Variants in PCDH7 observed in about 807,000 individuals in gnomAD.
The protein encoded by PCDH7 is protocadherin-7.
PCDH7 carries 17 observed loss-of-function variants against 58.9 expected under a neutral mutation model. The observed-to-expected ratio is 0.29, with a 90% CI of 0.20 to 0.43. The LOEUF is 0.43. PCDH7 is among the 20% of genes least tolerant of loss of function. The pLI is 1.00. For missense variants in PCDH7, 1,274 were observed against 1,441.0 expected, an observed-to-expected ratio of 0.88 and a Z score of 1.88; for synonymous variants, 664 against 616.4, an observed-to-expected ratio of 1.08 and a Z score of -1.14.
intron 3 of PCDH7, among the ~76,000 whole-genome samples, chr4:31,034,180 C>T (rs1415905218): frequency 6.6e-6 from 1 of 152,048 alleles, no homozygotes; most frequent in African/African-American, 2.4e-5. Flanking sequence ...CACAATAGTC[C>T]TCCCTAATAG....
intron 3 of PCDH7, among the ~76,000 whole-genome samples, chr4:30,964,427 G>A (rs1173297710): frequency 6.6e-6 from 1 of 151,880 alleles, no homozygotes; most frequent in East Asian, 1.9e-4. Context: ...ATTTTTAGTA[G>A]AGACGGGGTT....
chr4:30,799,479 C>T (rs1307508913), intron 1 of PCDH7, among the ~76,000 whole-genome samples: 1 of 152,120 alleles, frequency 6.6e-6, no homozygotes, highest in Non-Finnish European at 1.5e-5. Context: ...TATTCACATG[C>T]ATATAATTTT....
intron 1 of PCDH7, among the ~76,000 whole-genome samples, chr4:30,834,194 C>T (rs1316336651): frequency 6.6e-6 from 1 of 152,152 alleles, no homozygotes; most frequent in African/African-American, 2.4e-5. Context: ...AGGGCACTGG[C>T]CTAGAAAGTC....
intron 3 of PCDH7, among the ~76,000 whole-genome samples, chr4:30,953,246 T>C (rs971111550): frequency 5.3e-5 from 8 of 152,144 alleles, no homozygotes; most frequent in African/African-American, 1.9e-4. Flanking sequence ...ATTATCCCAG[T>C]TTTCCCTTTT....
At chr4:30,761,620 C>A (rs1231364275) in intron 1 of PCDH7, among the ~76,000 whole-genome samples, 1 of 152,088 alleles carries the variant, frequency 6.6e-6, no homozygotes, top group African/African-American at 2.4e-5. Flanking sequence ...ACTCAATAAT[C>A]ATATAAAGCT....
intron 3 of PCDH7, among the ~76,000 whole-genome samples, chr4:31,126,091 G>T (rs556976016): frequency 6.7e-6 from 1 of 149,330 alleles, no homozygotes; most frequent in Non-Finnish European, 1.5e-5. Flanking sequence ...TATACAACTA[G>T]TCTATTTCTT....
intron 3 of PCDH7, among the ~76,000 whole-genome samples, chr4:31,079,320 A>G (rs1759283876): frequency 6.3e-5 from 2 of 31,728 alleles, no homozygotes; most frequent in Non-Finnish European, 1.2e-4. Context: ...ATATATATAT[A>G]TATATATATA....
chr4:31,033,222 C>T (rs889111604), intron 3 of PCDH7, among the ~76,000 whole-genome samples: 5 of 152,152 alleles, frequency 3.3e-5, no homozygotes, highest in East Asian at 1.9e-4. Flanking sequence ...GTGGACCTCA[C>T]GGATGGTATC....
At chr4:30,740,354 AC>A in intron 1 of PCDH7, among the ~76,000 whole-genome samples, 1 of 152,274 alleles carries the variant, frequency 6.6e-6, no homozygotes, top group Non-Finnish European at 1.5e-5. Flanking sequence ...AAATAGTTTC[AC>A]CTTAAATCTT....
intron 3 of PCDH7, among the ~76,000 whole-genome samples, chr4:31,028,711 A>G (rs1490260072): frequency 6.6e-6 from 1 of 152,166 alleles, no homozygotes; most frequent in Non-Finnish European, 1.5e-5. Flanking sequence ...GTATTGAGGT[A>G]ACATTTTAAA....
At chr4:30,740,291 T>C (rs1716890636) in intron 1 of PCDH7, among the ~76,000 whole-genome samples, 1 of 152,202 alleles carries the variant, frequency 6.6e-6, no homozygotes, top group African/African-American at 2.4e-5. Flanking sequence ...CTTGCTATTT[T>C]AGTATCTTGT....
At chr4:30,783,045 T>A (rs12641014) in intron 1 of PCDH7, 1 of 152,158 alleles carries the variant, frequency 6.6e-6, no homozygotes, top group Non-Finnish European at 1.5e-5. Context: ...TCATTTATGG[T>A]TTTTGATATA....
chr4:30,740,935 A>G (rs756277733), intron 1 of PCDH7, among the ~76,000 whole-genome samples: 1 of 152,142 alleles, frequency 6.6e-6, no homozygotes, highest in Admixed American at 6.5e-5. Flanking sequence ...GTACATAAGC[A>G]ATACCAAAGC....
intron 3 of PCDH7, among the ~76,000 whole-genome samples, chr4:31,052,981 A>T (rs1401611237): frequency 6.6e-6 from 1 of 151,932 alleles, no homozygotes; most frequent in African/African-American, 2.4e-5. Context: ...ACTGCTATCT[A>T]TTCGTCACGA....
intron 3 of PCDH7, among the ~76,000 whole-genome samples, chr4:30,987,397 G>T (rs982126059): frequency 6.6e-6 from 1 of 151,828 alleles, no homozygotes; most frequent in Non-Finnish European, 1.5e-5. Flanking sequence ...AAGCTTCTAA[G>T]TACAGACGTC....
In PCDH7 at chr4:30,779,200, T is replaced by C. The variant is rs141391285; in HGVS notation, c.70+54604T>C. 4.6e-3 allele frequency among the ~76,000 whole-genome samples: 694 copies of C among 151,916 alleles called. 5 individuals carry two copies. Among genetic ancestry groups the C allele is most frequent in the African/African-American group, 0.016 (656 of 41,444 alleles). On this transcript the variant is annotated intron_variant, in intron 1 of 3. Transcript: ENST00000509759. The stretch of plus-strand genomic sequence containing the variant: ...CACCACACCCGGCTGTTTTTTTGTG[T>C]TTTTAGTAGAGACGGGGTTTTGCCA...
intron 1 of PCDH7, among the ~76,000 whole-genome samples, chr4:30,805,423 A>G (rs1726063384): frequency 6.6e-6 from 1 of 152,192 alleles, no homozygotes; most frequent in Non-Finnish European, 1.5e-5. Flanking sequence ...AATACTAAGA[A>G]CTACTTCATG....
chr4:31,116,827 T>C lies in PCDH7; in HGVS notation c.*8-25646T>C, dbSNP rs367723226. On this transcript the variant is annotated intron_variant, in intron 3 of 3. Transcript: ENST00000509759. Reference sequence around the variant, plus strand: ...TCAAACTGAATATTTGTGGGGTTTTTTTGTTGTTGTTGTTTGGTTTTTTTT... The same window carrying C: ...TCAAACTGAATATTTGTGGGGTTTTCTTGTTGTTGTTGTTTGGTTTTTTTT... 3.3e-5 allele frequency among the ~76,000 whole-genome samples: 5 copies of C among 152,146 alleles called. No individual in the cohort carries two copies. In the South Asian group the frequency reaches 8.3e-4, roughly 25 times the overall value.
chr4:31,126,033 C>A (rs1218102851), intron 3 of PCDH7, among the ~76,000 whole-genome samples: 1 of 152,020 alleles, frequency 6.6e-6, no homozygotes, highest in East Asian at 1.9e-4. Context: ...TTGGGTAACT[C>A]ACTTAACTTC....
Sources: allele counts gnomAD v4.1 joint callset (sites outside exome capture counted in the v4.1 genomes callset), GRCh38; gene constraint gnomAD v4.1.1; transcripts MANE v1.5; gene names NCBI Gene and HGNC (gene_info 2026-07-23, HGNC 2026-07-21).